Variants in SKAP1 observed in about 807,000 individuals in gnomAD.
The protein encoded by SKAP1 is src kinase-associated phosphoprotein 1.
In SKAP1, 44 loss-of-function variants were observed where a neutral mutation model predicts 58.5. The observed-to-expected ratio is 0.75, with a 90% confidence interval of 0.59 to 0.97. The LOEUF is 0.97. Among genes scored for constraint, SKAP1 ranks in the 50% least tolerant of loss-of-function variants. The pLI, the probability that SKAP1 is intolerant of heterozygous loss-of-function variation, is 0.00. For missense variants in SKAP1, 390 were observed against 435.2 expected, an observed-to-expected ratio of 0.90 and a Z score of 0.92; for synonymous variants, 127 against 149.7, an observed-to-expected ratio of 0.85 and a Z score of 1.11.
intron 1 of SKAP1, among the ~76,000 whole-genome samples, chr17:48,419,082 T>TGGAAGGGAGGGA (rs1424080814): frequency 6.7e-6 from 1 of 149,870 alleles, no homozygotes; most frequent in Non-Finnish European, 1.5e-5. Flanking sequence ...GAAAAATGGA[T>TGGAAGGGAGGGA]GGAAGGGAGG....
chr17:48,260,261 T>TA (rs2065470078), intron 4 of SKAP1, among the ~76,000 whole-genome samples: 1 of 152,144 alleles, frequency 6.6e-6, no homozygotes, highest in Non-Finnish European at 1.5e-5. Flanking sequence ...ACTTAGCATT[T>TA]TAAGAAGCCA....
chr17:48,395,300 G>A (rs1257322907), intron 2 of SKAP1, among the ~76,000 whole-genome samples: 1 of 152,086 alleles, frequency 6.6e-6, no homozygotes, highest in East Asian at 1.9e-4. Context: ...ACAAATACAG[G>A]AAAGAATTCC....
chr17:48,311,863 G>C (rs1455492276), intron 4 of SKAP1, among the ~76,000 whole-genome samples: 1 of 152,158 alleles, frequency 6.6e-6, no homozygotes, highest in Non-Finnish European at 1.5e-5. Context: ...AGATAGAGCT[G>C]TTCAAGAAGA....
At chr17:48,140,657 T>C (rs925011575) in intron 11 of SKAP1, among the ~76,000 whole-genome samples, 40 of 152,168 alleles carry the variant, frequency 2.6e-4, no homozygotes, top group African/African-American at 8.9e-4. Flanking sequence ...AAAGCTATCT[T>C]TGCTTCCTTG....
chr17:48,175,328 G>C (rs1188493220), intron 9 of SKAP1, among the ~76,000 whole-genome samples: 1 of 152,190 alleles, frequency 6.6e-6, no homozygotes, highest in Non-Finnish European at 1.5e-5. Context: ...AAGGTGCTGT[G>C]GTGACAGATG....
chr17:48,274,637 G>A (rs1042174551), intron 4 of SKAP1, among the ~76,000 whole-genome samples: 25 of 151,854 alleles, frequency 1.6e-4, no homozygotes, highest in African/African-American at 4.6e-4. Context: ...TGGAGGTTGC[G>A]GTGAGCTGAG....
Position 48,184,618 on chromosome 17 carries a change from G to C in SKAP1, c.567+105C>G, listed in dbSNP as rs114927611. 9.2e-4 allele frequency: 1,309 copies of C among 1,416,836 alleles called. 7 individuals carry two copies. The African/African-American group carries it at 0.016, about 17-fold the overall frequency. The allele number at this position is 1,416,836 out of a possible 1,614,324, so 87.8% of individuals were successfully genotyped here. ...GTCTTCGTTGGCATGAAATGAGCAG[G>C]TAACAAAGAAAGGCTGGAACCCAGC... On this transcript the variant is annotated intron_variant, in intron 7 of 12. Coordinates refer to ENST00000336915, the MANE Select transcript of SKAP1 (RefSeq NM_003726.4).
intron 9 of SKAP1, among the ~76,000 whole-genome samples, chr17:48,176,838 C>T (rs2064298113): frequency 1.3e-5 from 2 of 152,130 alleles, no homozygotes; most frequent in South Asian, 4.1e-4. Flanking sequence ...GTATTACATA[C>T]ACTTTTCTCC....
intron 9 of SKAP1, among the ~76,000 whole-genome samples, chr17:48,178,765 T>A (rs2064325841): frequency 6.6e-6 from 1 of 152,196 alleles, no homozygotes; most frequent in Admixed American, 6.6e-5. Context: ...GAGGAAATTA[T>A]CATTTTTTTT....
chr17:48,444,873 T>C, the SKAP1 span, among the ~76,000 whole-genome samples: 3 of 152,150 alleles, frequency 2.0e-5, no homozygotes, highest in African/African-American at 7.2e-5. Flanking sequence ...TAATCATGCA[T>C]GAGCAGTTCA....
chr17:48,384,446 T>C (rs2067252526), intron 2 of SKAP1, among the ~76,000 whole-genome samples: 1 of 152,122 alleles, frequency 6.6e-6, no homozygotes, highest in African/African-American at 2.4e-5. Flanking sequence ...AGTTAATTTT[T>C]CCCACAAAAC....
intron 3 of SKAP1, among the ~76,000 whole-genome samples, chr17:48,347,758 C>T (rs2066741660): frequency 6.6e-6 from 1 of 152,084 alleles, no homozygotes; most frequent in South Asian, 2.1e-4. Context: ...TTCTCAAATA[C>T]TGGACTGAGG....
chr17:48,327,407 C>T (rs1047061005), intron 4 of SKAP1, among the ~76,000 whole-genome samples: 4 of 152,190 alleles, frequency 2.6e-5, no homozygotes, highest in Non-Finnish European at 5.9e-5. Context: ...AAATAAATCA[C>T]GGTTTTCAGA....
At chr17:48,325,415 CA>C (rs2066424354) in intron 4 of SKAP1, among the ~76,000 whole-genome samples, 1 of 152,124 alleles carries the variant, frequency 6.6e-6, no homozygotes, top group African/African-American at 2.4e-5. Context: ...ACTCTGTAGT[CA>C]AATTACTGTT....
chr17:48,233,268 A>G (rs1422926131), intron 4 of SKAP1, among the ~76,000 whole-genome samples: 2 of 152,206 alleles, frequency 1.3e-5, no homozygotes, highest in African/African-American at 4.8e-5. Flanking sequence ...GGAAAATTAA[A>G]TGGGGCTACT....
chr17:48,393,255 G>A (rs62064552), intron 2 of SKAP1, among the ~76,000 whole-genome samples: 25 of 152,108 alleles, frequency 1.6e-4, no homozygotes, highest in African/African-American at 5.3e-4. Flanking sequence ...ATTGCTATCC[G>A]TTTTTATTTT....
intron 4 of SKAP1, among the ~76,000 whole-genome samples, chr17:48,332,297 A>G (rs1189400057): frequency 6.6e-6 from 1 of 152,112 alleles, no homozygotes; most frequent in Non-Finnish European, 1.5e-5. Context: ...GAATAGGCTT[A>G]CTTTTTATAA....
chr17:48,162,774 ACAGATCACTC>A (rs1336005666), intron 10 of SKAP1: 6 of 463,764 alleles, frequency 1.3e-5, no homozygotes, highest in African/African-American at 4.0e-5. Flanking sequence ...TTAAATATTT[ACAGATCACTC>A]CTAGTAGGAT....
chr17:48,186,496 TTATG>T (rs1210999363), intron 6 of SKAP1, among the ~76,000 whole-genome samples: 2 of 141,758 alleles, frequency 1.4e-5, no homozygotes, highest in African/African-American at 5.5e-5. Flanking sequence ...ATTTATTTAT[TTATG>T]GTTGAGACAG....
Sources: allele counts gnomAD v4.1 joint callset (sites outside exome capture counted in the v4.1 genomes callset), GRCh38; gene constraint gnomAD v4.1.1; transcripts MANE v1.5; gene names NCBI Gene and HGNC (gene_info 2026-07-23, HGNC 2026-07-21).